Variants in SMYD1 observed in about 807,000 individuals in gnomAD.
SMYD1 encodes the protein histone-lysine N-methyltransferase SMYD1.
In SMYD1, 49 loss-of-function variants were observed where a neutral mutation model predicts 54.0. The observed-to-expected ratio is 0.91, with a 90% CI of 0.72 to 1.15. The LOEUF (loss-of-function observed/expected upper bound fraction) is 1.15. Among genes scored for constraint, SMYD1 ranks in the 50% most tolerant of loss-of-function variants. The probability of loss-of-function intolerance (pLI) is 0.00; values close to 1 mark genes in which losing one functional copy is unlikely to be tolerated. For synonymous variants in SMYD1, 269 were observed against 234.2 expected (o/e 1.15, Z -1.36); for missense variants, 653 against 639.6 (o/e 1.02, Z -0.23).
At chr2:88,079,126 G>C (rs1674131665) in intron 1 of SMYD1, among the ~76,000 whole-genome samples, 1 of 152,214 alleles carries the variant, frequency 6.6e-6, no homozygotes, top group African/African-American at 2.4e-5. Context: ...AACAGGAATT[G>C]ATCCAAGGCT....
intron 1 of SMYD1, among the ~76,000 whole-genome samples, chr2:88,071,523 T>C (rs115086631): frequency 0.011 from 1,671 of 152,330 alleles, 21 homozygotes; most frequent in African/African-American, 0.029. Context: ...CTAGCTATTA[T>C]GTAGCACTTG....
In SMYD1 at chr2:88,088,063, C is replaced by T. The variant is rs1391151355; in HGVS notation, c.516C>T (p.His172=). The T allele has an allele frequency of 4.3e-6, 7 of 1,613,622 alleles. No homozygotes were observed. Among genetic ancestry groups the T allele is most frequent in the Non-Finnish European group, 5.9e-6 (7 of 1,179,706 alleles). ...SQQFSMQYIS[H]IFGVINCNGF... ...AGTTCAGCATGCAGTACATCTCGCACATCTTCGGAGTGGTAGGCCCCCTGC... is the reference window on the plus strand; with the variant it reads ...AGTTCAGCATGCAGTACATCTCGCATATCTTCGGAGTGGTAGGCCCCCTGC... Residue 172 remains histidine (H), a synonymous_variant, in exon 3 of 10, where the codon CAC becomes CAT. Transcript: ENST00000419482.
chr2:88,081,059 C>T (rs1265360431), intron 1 of SMYD1, among the ~76,000 whole-genome samples: 6 of 152,060 alleles, frequency 3.9e-5, no homozygotes, highest in East Asian at 1.9e-4. Context: ...CCCGTCACCA[C>T]GCCCAACTAA....
At chr2:88,097,120 G>T (rs1481876669) in intron 6 of SMYD1, among the ~76,000 whole-genome samples, 2 of 152,182 alleles carry the variant, frequency 1.3e-5, no homozygotes, top group Non-Finnish European at 2.9e-5. Context: ...TGGAAATTTT[G>T]GTTCCTCCTC....
intron 3 of SMYD1, among the ~76,000 whole-genome samples, chr2:88,089,595 T>C (rs920684970): frequency 1.4e-5 from 2 of 144,878 alleles, no homozygotes; most frequent in Non-Finnish European, 3.0e-5. Flanking sequence ...GTTTTTTTTT[T>C]TTTTTTTTTT....
At chr2:88,109,460 A>G (rs549025563) in intron 9 of SMYD1, among the ~76,000 whole-genome samples, 1 of 152,224 alleles carries the variant, frequency 6.6e-6, no homozygotes, top group South Asian at 2.1e-4. Flanking sequence ...GGGAAAGGAT[A>G]GGGTTGTGAT....
At position 88,084,418 on chromosome 2, in the gene SMYD1, G is replaced by A. The variant is rs764097521; in HGVS notation, c.240G>A (p.Lys80=). Residue 80 remains lysine (K), a synonymous_variant, in exon 2 of 10, where the codon AAG becomes AAA. Transcript: ENST00000419482. The part of the protein sequence containing the change: ...FAHYCDRTCQ[K]DAWLNHKNEC... ...ATTACTGCGACCGCACCTGCCAGAA[G>A]GATGCTTGGCTGAACCACAAGAATG... 1.2e-5 allele frequency: 19 copies of A among 1,609,234 alleles called. No homozygotes were observed. The highest frequency in any genetic ancestry group is 3.3e-4 in the Middle Eastern group (2 of 6,060).
chr2:88,100,082 C>G (rs1674688528), intron 6 of SMYD1, among the ~76,000 whole-genome samples: 2 of 149,888 alleles, frequency 1.3e-5, no homozygotes, highest in African/African-American at 4.9e-5. Flanking sequence ...TCCTTGTTTT[C>G]TGTAGAATTT....
At chr2:88,075,972 T>C (rs1246327780) in intron 1 of SMYD1, among the ~76,000 whole-genome samples, 1 of 152,150 alleles carries the variant, frequency 6.6e-6, no homozygotes, top group Non-Finnish European at 1.5e-5. Context: ...AGTGCCTCTT[T>C]CTGGAAGACC....
intron 3 of SMYD1, among the ~76,000 whole-genome samples, chr2:88,090,538 A>G (rs1200583565): frequency 2.0e-5 from 3 of 152,220 alleles, no homozygotes; most frequent in Non-Finnish European, 2.9e-5. Context: ...ACTATGCACC[A>G]GATACAAAAT....
chr2:88,075,537 T>C (rs1458376256), intron 1 of SMYD1, among the ~76,000 whole-genome samples: 4 of 110,282 alleles, frequency 3.6e-5, no homozygotes, highest in Admixed American at 2.1e-4. Context: ...TTTAATTCTT[T>C]TTTTTTTTTT....
At chr2:88,076,617 GAC>G (rs1292270048) in intron 1 of SMYD1, among the ~76,000 whole-genome samples, 1 of 152,174 alleles carries the variant, frequency 6.6e-6, no homozygotes. Context: ...GGGAAGGAAA[GAC>G]AGAGGGAAAG....
At chr2:88,098,748 T>C (rs1252344512) in intron 6 of SMYD1, among the ~76,000 whole-genome samples, 1 of 152,216 alleles carries the variant, frequency 6.6e-6, no homozygotes, top group Non-Finnish European at 1.5e-5. Context: ...TTTCCTCATC[T>C]GTAAAATGGG....
At chr2:88,087,321 G>C (rs1458853266) in intron 2 of SMYD1, among the ~76,000 whole-genome samples, 3 of 152,072 alleles carry the variant, frequency 2.0e-5, no homozygotes, top group Admixed American at 6.5e-5. Flanking sequence ...ACTGTTGAGA[G>C]ACCCAGGCTG....
chr2:88,108,548 C>A lies in SMYD1; in HGVS notation c.1314+9C>A. ...TCACTAAGGACTTAGAGGCAAGTAG[C>A]GTCTTGAGGCTGGTGTTCCCTTCCT... On this transcript the variant is annotated intron_variant, in intron 9 of 9. Transcript: ENST00000419482. 1.9e-6 allele frequency: 3 copies of A among 1,565,052 alleles called. No individual in the cohort carries two copies. The highest frequency in any genetic ancestry group is 1.2e-5 in the South Asian group (1 of 83,094).
At chr2:88,087,284 G>T (rs1474341249) in intron 2 of SMYD1, among the ~76,000 whole-genome samples, 2 of 151,960 alleles carry the variant, frequency 1.3e-5, no homozygotes, top group African/African-American at 4.8e-5. Context: ...TTAGACTCCT[G>T]ATGCAGGGCT....
At chr2:88,096,459 G>A in intron 5 of SMYD1, 136 bp from the exon 6 acceptor site, 2 of 755,386 alleles carry the variant, frequency 2.6e-6, no homozygotes, top group Non-Finnish European at 4.5e-6. Context: ...TTCTCCTTTT[G>A]TGGGGTCAAT....
intron 1 of SMYD1, among the ~76,000 whole-genome samples, chr2:88,069,169 G>T (rs1183140786): frequency 1.3e-5 from 2 of 152,174 alleles, no homozygotes; most frequent in Non-Finnish European, 2.9e-5. Flanking sequence ...CTGAGATCAA[G>T]GTTGGGGTGA....
chr2:88,092,654 T>C (rs1674489070), intron 4 of SMYD1, among the ~76,000 whole-genome samples: 1 of 152,238 alleles, frequency 6.6e-6, no homozygotes, highest in African/African-American at 2.4e-5. Flanking sequence ...ACTCAGATGA[T>C]AATCTTTTCT....
Sources: gnomAD v4.1 joint callset for allele counts (sites outside exome capture counted in the v4.1 genomes callset) on GRCh38, gnomAD v4.1.1 for gene constraint, MANE v1.5 for transcripts, NCBI Gene and HGNC (gene_info 2026-07-23, HGNC 2026-07-21) for gene names.